Variants in CDHR2 observed in about 807,000 individuals in gnomAD.
CDHR2 encodes cadherin-related family member 2.
CDHR2 carries 104 observed loss-of-function variants against 138.6 expected under a neutral mutation model. The ratio of observed to expected loss-of-function variants is 0.75; its 90% CI spans 0.64 to 0.88. The LOEUF is 0.88. Among genes scored for constraint, CDHR2 ranks in the 40% least tolerant of loss-of-function variants. The pLI is 0.00. For missense variants in CDHR2, 1,624 were observed against 1,727.6 expected, an observed-to-expected ratio of 0.94 and a Z score of 1.06; for synonymous variants, 755 against 742.8, an observed-to-expected ratio of 1.02 and a Z score of -0.27.
Position 176,571,258 on chromosome 5 carries a change from G to A in CDHR2, c.361G>A (p.Ala121Thr), listed in dbSNP as rs115348524. 265 of 1,612,294 alleles carry A rather than the reference G, an allele frequency of 1.6e-4. No homozygotes were observed. The East Asian group carries it at 5.4e-3, about 33-fold the overall frequency. ...LVIVEDRNDN[A>T]PVFQNTAFST... ...GATTGTGGAAGATAGAAACGACAAC[G>A]CACCCGTTTTCCAGAACACCGCTTT... Residue 121 changes from alanine (A) to threonine (T), a missense_variant, in exon 6 of 32, where the codon GCA becomes ACA. Physicochemically the swap from Ala to Thr is moderately conservative, Grantham distance 58. Coordinates refer to ENST00000261944, the MANE Select transcript of CDHR2 (RefSeq NM_017675.6).
chr5:176,593,982 C>T (rs761808020), intron 31 of CDHR2, among the ~76,000 whole-genome samples: 1 of 152,110 alleles, frequency 6.6e-6, no homozygotes, highest in African/African-American at 2.4e-5. Context: ...ATGAACATGT[C>T]TGGGGAACTG....
intron 16 of CDHR2, 64 bp downstream of exon 16, chr5:176,578,672 A>G (rs1758462665): frequency 6.3e-7 from 1 of 1,588,996 alleles, no homozygotes; most frequent in African/African-American, 1.3e-5. Context: ...CTCTGTGGGC[A>G]TGCTGGCCCT....
chr5:176,545,665 G>A (rs1422285820), upstream of CDHR2, among the ~76,000 whole-genome samples: 1 of 152,214 alleles, frequency 6.6e-6, no homozygotes, highest in Non-Finnish European at 1.5e-5. Context: ...TGTGGGAGGT[G>A]GTGTACCTTG....
chr5:176,565,267 C>G (rs1262534487), intron 1 of CDHR2, 71 bp from the exon 2 acceptor site: 18 of 1,126,222 alleles, frequency 1.6e-5, no homozygotes, highest in Non-Finnish European at 2.4e-5. Context: ...AGGTCAGACC[C>G]AGGCAGATGG....
chr5:176,569,986 G>A (rs12516170), intron 5 of CDHR2, among the ~76,000 whole-genome samples: 36,584 of 151,114 alleles, frequency 0.24, 4,706 homozygotes, highest in East Asian at 0.47. Flanking sequence ...CAGATAAAAC[G>A]AAAGTCCCCT....
rs2113299590 is a variant in CDHR2 at position 176,576,293 on chromosome 5, G to A, written c.1194+108G>A. The stretch of plus-strand genomic sequence containing the variant: ...GCTGGGTGGCGGTGCTGGTGGTGCA[G>A]GGTGTGATGGCGGAGAATGGGGGTG... On this transcript the variant is annotated intron_variant, in intron 12 of 31. Coordinates refer to ENST00000261944, the MANE Select transcript of CDHR2 (RefSeq NM_017675.6). The surrounding 1 kb of genome is among the most constrained non-coding windows in gnomAD (Gnocchi z 4.5). The A allele has an allele frequency of 1.1e-6, 1 of 873,282 alleles. No individual in the cohort carries two copies. The highest frequency in any genetic ancestry group is 1.8e-6 in the Non-Finnish European group (1 of 562,790). 54.1% of individuals were successfully genotyped at this position (873,282 alleles called of 1,614,324 possible).
In CDHR2 at chr5:176,581,427, T is replaced by C. The variant is rs1477621724; in HGVS notation, c.1903T>C (p.Leu635=). The change falls in exon 17 of 32, where the codon TTG becomes CTG. Residue 635 remains leucine, a synonymous_variant. Transcript: ENST00000261944. ...LPGPYSHNFS[L]DPDTGLLRNL... is the part of the protein sequence containing the mutation. ...TGGCCCCTACAGCCACAACTTCTCC[T>C]TGGACCCTGACACAGGGCTCCTCAG... is the stretch of plus-strand genomic sequence containing the variant. 2 of 1,614,160 alleles carry C rather than the reference T, an allele frequency of 1.2e-6. 1 individual carries two copies. The highest frequency in any genetic ancestry group is 1.7e-6 in the Non-Finnish European group (2 of 1,180,032).
At chr5:176,551,787 C>T (rs1398021966) in intron 1 of CDHR2, among the ~76,000 whole-genome samples, 2 of 150,026 alleles carry the variant, frequency 1.3e-5, no homozygotes, top group South Asian at 4.2e-4. Context: ...CTGCAAGCTC[C>T]GCTTCCCGGG....
At chr5:176,545,049 A>C (rs114031634), upstream of CDHR2, among the ~76,000 whole-genome samples, 2,424 of 152,264 alleles carry the variant, frequency 0.016, 79 homozygotes, top group African/African-American at 0.055. Context: ...CAACTTGATA[A>C]ATTTCTGAGT....
Position 176,584,264 on chromosome 5 carries a change from G to GT in CDHR2, c.2128+6dup, listed in dbSNP as rs1364499335. On this transcript the variant is annotated splice_donor_region_variant and intron_variant, in intron 18 of 31. Coordinates refer to ENST00000261944, the MANE Select transcript of CDHR2 (RefSeq NM_017675.6). ...CGGTGAAGGAGGAGGATCCAGGTAT[G>GT]TGCTCCCTGGGCCAGGAGAGACACT... is the stretch of plus-strand genomic sequence containing the variant. 3.1e-6 allele frequency: 5 copies of GT among 1,613,248 alleles called. No homozygotes were observed. The highest frequency in any genetic ancestry group is 4.2e-6 in the Non-Finnish European group (5 of 1,179,272).
chr5:176,589,874 C>T (rs1266354789), intron 24 of CDHR2, among the ~76,000 whole-genome samples: 1 of 152,236 alleles, frequency 6.6e-6, no homozygotes, highest in Admixed American at 6.5e-5. Context: ...CACAAGGGCA[C>T]TCTGCTTGCT....
upstream of CDHR2, among the ~76,000 whole-genome samples, chr5:176,548,527 G>T (rs1757636246): frequency 6.6e-6 from 1 of 152,184 alleles, no homozygotes; most frequent in Non-Finnish European, 1.5e-5. Flanking sequence ...ATCGCCTGAG[G>T]TTAGGAGTTC....
In CDHR2 at chr5:176,584,983, C is replaced by A. The variant is rs35018750; in HGVS notation, c.2702C>A (p.Thr901Lys). ...GTTGTGCGGGCCTGTGACCTAGCCA[C>A]GGACCCCGGCTTCCAGGCCTACAGC... The part of the protein sequence containing the change: ...TLVVRACDLA[T>K]DPGFQAYSNN... Residue 901 changes from threonine to lysine, a missense_variant, in exon 19 of 32, where the codon ACG (threonine) becomes AAG (lysine). Coordinates refer to ENST00000261944, the MANE Select transcript of CDHR2 (RefSeq NM_017675.6). 1.5e-5 allele frequency: 23 copies of A among 1,550,338 alleles called. No homozygotes were observed. In the East Asian group the frequency reaches 5.4e-4, roughly 36 times the overall value.
chr5:176,595,268 G>A (rs1038077114), intron 31 of CDHR2, among the ~76,000 whole-genome samples: 2 of 152,292 alleles, frequency 1.3e-5, no homozygotes, highest in East Asian at 1.9e-4. Context: ...TGGGCTGAAC[G>A]GCAGAGTGCC....
chr5:176,589,581 G>A lies in CDHR2; in HGVS notation c.3171G>A (p.Lys1057=), dbSNP rs1758788685. 2 of 1,614,126 alleles carry A rather than the reference G, an allele frequency of 1.2e-6. No individual in the cohort carries two copies. Among genetic ancestry groups the A allele is most frequent in the African/African-American group, 1.3e-5 (1 of 75,056 alleles). ...CGCGGCTGCAGTTCTCCACACCGAA[G>A]GAGGAGGTGGGCGCCAACAGACAGG... ...YRSRLQFSTP[K]EEVGANRQAI... is the part of the protein sequence containing the mutation. Residue 1057 remains lysine (K), a synonymous_variant, in exon 24 of 32, where the codon AAG becomes AAA. Transcript: ENST00000261944.
chr5:176,593,051 G>T (rs1267270106), intron 31 of CDHR2, among the ~76,000 whole-genome samples: 1 of 152,176 alleles, frequency 6.6e-6, no homozygotes, highest in African/African-American at 2.4e-5. Flanking sequence ...CCATTGTGAG[G>T]ATTAAATAAG....
Position 176,592,800 on chromosome 5 carries a change from G to A in CDHR2, c.3792+20G>A. Reference sequence around the variant, plus strand: ...ATCAAGGCAAGATGGGGGATGAATTGGTGCCTGGAGGTTCCAACTTGGGTT... The same window carrying A: ...ATCAAGGCAAGATGGGGGATGAATTAGTGCCTGGAGGTTCCAACTTGGGTT... On this transcript the variant is annotated intron_variant, in intron 31 of 31. Coordinates refer to ENST00000261944, the MANE Select transcript of CDHR2 (RefSeq NM_017675.6). 1.2e-6 allele frequency: 2 copies of A among 1,610,608 alleles called. No homozygotes were observed. The highest frequency in any genetic ancestry group is 1.7e-6 in the Non-Finnish European group (2 of 1,177,034).
In CDHR2 at chr5:176,595,199, AG is replaced by A. The variant is rs1324536113; in HGVS notation, c.3793-331del. On this transcript the variant is annotated intron_variant, in intron 31 of 31. Coordinates refer to ENST00000261944, the MANE Select transcript of CDHR2 (RefSeq NM_017675.6). ...GTGCCTGCCGTGGGGTACAGGGGGC[AG>A]GAACTGCGCTGGGCTGGCTCCTCGG... 3.3e-5 allele frequency among the ~76,000 whole-genome samples: 5 copies of A among 152,314 alleles called. No homozygotes were observed. The East Asian group carries it at 7.7e-4, about 24-fold the overall frequency.
At chr5:176,547,061 C>T (rs1561862673), upstream of CDHR2, among the ~76,000 whole-genome samples, 1 of 151,682 alleles carries the variant, frequency 6.6e-6, no homozygotes, top group Non-Finnish European at 1.5e-5. Flanking sequence ...TCACTGCAAC[C>T]TCTGCCTCCC....
Sources: gnomAD v4.1 joint callset for allele counts (sites outside exome capture counted in the v4.1 genomes callset) on GRCh38, gnomAD v4.1.1 for gene constraint, Gnocchi (gnomAD v3.1) non-coding constraint, MANE v1.5 for transcripts, NCBI Gene and HGNC (gene_info 2026-07-23, HGNC 2026-07-21) for gene names.